ACOXL: variants seen among roughly 807,000 people sequenced by gnomAD.
ACOXL encodes acyl-CoA oxidase like.
A neutral mutation model predicts 71.9 loss-of-function variants in ACOXL; 70 were observed. The observed-to-expected ratio is 0.97, with a 90% CI of 0.80 to 1.19. The LOEUF (loss-of-function observed/expected upper bound fraction) is 1.19, where lower values mean the gene tolerates loss of function less well. ACOXL is among the 50% of genes most tolerant of loss of function. ACOXL has a pLI of 0.00. For missense variants in ACOXL, 703 were observed against 736.3 expected, an observed-to-expected ratio of 0.95 and a Z score of 0.52; for synonymous variants, 253 against 281.6, an observed-to-expected ratio of 0.90 and a Z score of 1.02.
At chr2:111,079,052 T>C (rs180888155) in intron 16 of ACOXL, among the ~76,000 whole-genome samples, 164 of 152,354 alleles carry the variant, frequency 1.1e-3, no homozygotes, top group Non-Finnish European at 1.8e-3. Flanking sequence ...AAGGCCTTTT[T>C]TTAAAAGCTG....
At chr2:110,986,963 G>C (rs993368536) in intron 12 of ACOXL, 145 bp from the exon 13 acceptor site, 3 of 680,296 alleles carry the variant, frequency 4.4e-6, no homozygotes, top group African/African-American at 1.8e-5. Flanking sequence ...TGGGGAAATA[G>C]AGACCCTTGT....
chr2:110,956,694 GAT>G lies in ACOXL; in HGVS notation c.1059+23054_1059+23055del, dbSNP rs1159900678. ...TTAACTGGCCTCCTCTAACACATAA[GAT>G]AAGATTGATTTAATCTGTTTTGTCT... is the stretch of plus-strand genomic sequence containing the variant. On this transcript the variant is annotated intron_variant, in intron 12 of 17. Transcript: ENST00000439055. Among the ~76,000 whole-genome samples, 5 of 152,208 alleles carry G rather than the reference GAT, an allele frequency of 3.3e-5. No individual in the cohort carries two copies. In the East Asian group the frequency reaches 9.6e-4, roughly 29 times the overall value.
chr2:111,023,842 C>G (rs957066546), intron 14 of ACOXL, among the ~76,000 whole-genome samples: 1 of 152,090 alleles, frequency 6.6e-6, no homozygotes, highest in South Asian at 2.1e-4. Flanking sequence ...CAAGGACACC[C>G]AGACCGAGGA....
intron 14 of ACOXL, among the ~76,000 whole-genome samples, chr2:111,011,575 A>T (rs2064157674): frequency 6.6e-6 from 1 of 152,180 alleles, no homozygotes; most frequent in Admixed American, 6.5e-5. Flanking sequence ...GATAGAGGAA[A>T]CTTTAAAACA....
intron 10 of ACOXL, among the ~76,000 whole-genome samples, chr2:110,868,389 C>A (rs774035070): frequency 3.9e-5 from 6 of 152,162 alleles, no homozygotes; most frequent in Non-Finnish European, 8.8e-5. Context: ...TTGGCTGATG[C>A]ACCTTTTCTT....
chr2:110,884,389 G>C (rs1314865059), intron 10 of ACOXL, among the ~76,000 whole-genome samples: 1 of 152,190 alleles, frequency 6.6e-6, no homozygotes, highest in Non-Finnish European at 1.5e-5. Context: ...TTTTCAGAAA[G>C]AAAAGGGGGA....
chr2:110,921,702 C>A (rs927295045), intron 11 of ACOXL, among the ~76,000 whole-genome samples: 6 of 152,070 alleles, frequency 3.9e-5, no homozygotes, highest in African/African-American at 1.4e-4. Context: ...CTTCCACCCC[C>A]CTCTCTTAAG....
chr2:110,825,382 C>T (rs900040869), intron 9 of ACOXL, among the ~76,000 whole-genome samples: 1 of 152,118 alleles, frequency 6.6e-6, no homozygotes, highest in African/African-American at 2.4e-5. Context: ...CAAATTTGGA[C>T]TCCCCTCTAT....
chr2:110,979,933 T>C (rs978482589), intron 12 of ACOXL, among the ~76,000 whole-genome samples: 2 of 152,168 alleles, frequency 1.3e-5, no homozygotes, highest in South Asian at 2.1e-4. Flanking sequence ...TTGTTTTTAA[T>C]GTGAAATGGC....
At chr2:110,984,769 C>G (rs760458315) in intron 12 of ACOXL, among the ~76,000 whole-genome samples, 1 of 152,116 alleles carries the variant, frequency 6.6e-6, no homozygotes, top group Non-Finnish European at 1.5e-5. Flanking sequence ...AGGAATTGGA[C>G]GTATTGGATG....
Position 111,092,907 on chromosome 2 carries a change from G to A in ACOXL, c.1483G>A (p.Ala495Thr). The change falls in exon 17 of 18, where the codon GCC becomes ACC. Residue 495 changes from alanine to threonine, a missense_variant. Physicochemically the swap from Ala to Thr is moderately conservative, Grantham distance 58. Transcript: ENST00000439055. ...YGTKLVFQER[A>T]WYLEHKYLTP... ...AACCAAGCTGGTGTTTCAGGAGCGG[G>A]CCTGGTATTTAGAACATAAATACTT... 1 of 1,614,002 alleles carries A rather than the reference G, an allele frequency of 6.2e-7. No homozygotes were observed. Among genetic ancestry groups the A allele is most frequent in the South Asian group, 1.1e-5 (1 of 91,074 alleles).
At chr2:110,906,410 G>T (rs1056061645) in intron 10 of ACOXL, among the ~76,000 whole-genome samples, 26 of 151,704 alleles carry the variant, frequency 1.7e-4, no homozygotes, top group African/African-American at 5.1e-4. Flanking sequence ...GTGGTGGTGG[G>T]TGCCTGTAGT....
At chr2:110,889,496 A>G (rs543946738) in intron 10 of ACOXL, among the ~76,000 whole-genome samples, 4 of 152,202 alleles carry the variant, frequency 2.6e-5, no homozygotes, top group South Asian at 2.1e-4. Context: ...GTCACTCCCA[A>G]TTACCCCTCC....
intron 11 of ACOXL, among the ~76,000 whole-genome samples, chr2:110,932,341 G>A (rs925916737): frequency 2.6e-5 from 4 of 152,124 alleles, no homozygotes; most frequent in Admixed American, 2.0e-4. Context: ...GGGTGTGTAC[G>A]GTTGTCAAAA....
At chr2:111,028,073 G>A (rs924691448) in intron 14 of ACOXL, among the ~76,000 whole-genome samples, 1 of 148,660 alleles carries the variant, frequency 6.7e-6, no homozygotes, top group Non-Finnish European at 1.5e-5. Flanking sequence ...CTGTAGTCCC[G>A]GCTACCCAGA....
intron 14 of ACOXL, among the ~76,000 whole-genome samples, chr2:111,024,046 G>C (rs1193625004): frequency 6.6e-6 from 1 of 152,170 alleles, no homozygotes; most frequent in East Asian, 1.9e-4. Context: ...GGGAGGCAGA[G>C]TGTATCAGCT....
chr2:110,771,828 G>A (rs1464597861), intron 2 of ACOXL, among the ~76,000 whole-genome samples: 1 of 152,130 alleles, frequency 6.6e-6, no homozygotes, highest in Non-Finnish European at 1.5e-5. Context: ...CTGGGCTGGG[G>A]GAGTCACCAA....
chr2:111,010,358 A>G (rs956759645), intron 14 of ACOXL, among the ~76,000 whole-genome samples: 9 of 152,160 alleles, frequency 5.9e-5, no homozygotes, highest in African/African-American at 2.2e-4. Flanking sequence ...CACACTGGGC[A>G]AAAAGAGAAA....
intron 1 of ACOXL, among the ~76,000 whole-genome samples, chr2:110,753,954 T>C (rs895517470): frequency 1.3e-5 from 2 of 152,164 alleles, no homozygotes; most frequent in Non-Finnish European, 2.9e-5. Flanking sequence ...ATAATTTGCA[T>C]TCCTATGATG....
Sources: gnomAD v4.1 joint callset for allele counts (sites outside exome capture counted in the v4.1 genomes callset) on GRCh38, gnomAD v4.1.1 for gene constraint, MANE v1.5 for transcripts, NCBI Gene and HGNC (gene_info 2026-07-23, HGNC 2026-07-21) for gene names.